The following SEPTIN9 variants were observed in gnomAD, a reference collection of about 807,000 sequenced individuals.
The protein encoded by SEPTIN9 is septin 9, also known as septin-9.
A neutral mutation model predicts 56.6 loss-of-function variants in SEPTIN9; 13 were observed. That is an observed-to-expected ratio of 0.23 (90% confidence interval 0.15 to 0.37). The LOEUF is 0.37. Ranked by LOEUF, SEPTIN9 falls within the 10% of genes least tolerant of loss-of-function variation. The pLI is 1.00. For synonymous variants in SEPTIN9, 332 were observed against 334.1 expected, an observed-to-expected ratio of 0.99 and a Z score of 0.07; for missense variants, 650 against 823.1, an observed-to-expected ratio of 0.79 and a Z score of 2.57.
chr17:77,378,635 C>A (rs1241803892), intron 2 of SEPTIN9, among the ~76,000 whole-genome samples: 3 of 152,204 alleles, frequency 2.0e-5, no homozygotes, highest in African/African-American at 7.2e-5. Flanking sequence ...ACAGCATGGT[C>A]ACCACTAATT....
chr17:77,473,188 T>C (rs312820), intron 3 of SEPTIN9, among the ~76,000 whole-genome samples: 22,596 of 152,208 alleles, frequency 0.15, 4,590 homozygotes, highest in African/African-American at 0.46. Flanking sequence ...GGCCTCAGTC[T>C]TCTCCTCTTA....
At chr17:77,297,246 G>A (rs2031860493) in intron 1 of SEPTIN9, among the ~76,000 whole-genome samples, 1 of 152,204 alleles carries the variant, frequency 6.6e-6, no homozygotes. Flanking sequence ...AAGGCCAAAG[G>A]TTTGAGAGCC....
intron 2 of SEPTIN9, among the ~76,000 whole-genome samples, chr17:77,324,882 G>T: frequency 6.9e-6 from 1 of 145,228 alleles, no homozygotes; most frequent in African/African-American, 2.6e-5. Flanking sequence ...GCAGTGGCAT[G>T]ATCTTGGCTC....
chr17:77,356,460 C>T (rs1416712187), intron 2 of SEPTIN9, among the ~76,000 whole-genome samples: 11 of 151,650 alleles, frequency 7.3e-5, no homozygotes, highest in Non-Finnish European at 1.3e-4. Context: ...CTCTTTCTCA[C>T]TCTGTGCCTC....
chr17:77,345,846 G>A (rs2033873554), intron 2 of SEPTIN9, among the ~76,000 whole-genome samples: 2 of 152,200 alleles, frequency 1.3e-5, no homozygotes, highest in South Asian at 2.1e-4. Flanking sequence ...CCAGTATCAC[G>A]GAGCGGGGCC....
rs1182092176 is a variant in SEPTIN9 at position 77,330,478 on chromosome 17, C to T, written c.76+23281C>T. Among the ~76,000 whole-genome samples the T allele has an allele frequency of 6.6e-6, 1 of 152,184 alleles. No individual in the cohort carries two copies. The highest frequency in any genetic ancestry group is 1.5e-5 in the Non-Finnish European group (1 of 68,032). ...GTTTTGGCGCTGCTCTTGGCGATGG[C>T]GTGGACTCAGCCAGGCTCTCGGGCA... On this transcript the variant is annotated intron_variant, in intron 2 of 11. Transcript: ENST00000427177. The surrounding 1 kb of genome is among the most constrained non-coding windows in gnomAD (Gnocchi z 4.4).
intron 3 of SEPTIN9, among the ~76,000 whole-genome samples, chr17:77,454,658 G>T (rs1272932904): frequency 1.3e-5 from 2 of 152,192 alleles, no homozygotes; most frequent in Non-Finnish European, 2.9e-5. Context: ...CCCCACCTCA[G>T]CCCCTCCCAG....
chr17:77,343,003 G>GTCTA (rs139340887), intron 2 of SEPTIN9, among the ~76,000 whole-genome samples: 32,818 of 147,048 alleles, frequency 0.22, 3,740 homozygotes, highest in Admixed American at 0.25. Context: ...CTGTCTGTCT[G>GTCTA]TCTATCTATC....
intron 3 of SEPTIN9, among the ~76,000 whole-genome samples, chr17:77,423,067 G>T (rs1407811696): frequency 1.3e-5 from 2 of 151,846 alleles, no homozygotes; most frequent in Non-Finnish European, 2.9e-5. Flanking sequence ...TGTCTTGCTC[G>T]CTCTGTCATC....
rs756972375 is a variant in SEPTIN9, at chr17:77,445,441, A to G, written c.722-36703A>G. On this transcript the variant is annotated intron_variant, in intron 3 of 11. Transcript: ENST00000427177. The surrounding 1 kb of genome is among the most constrained non-coding windows in gnomAD (Gnocchi z 4.7). Reference sequence around the variant, plus strand: ...CAGGAAGGCTGAGCTCTGTGCTCACAACCTGGCTTGGTGGTGGCCGAGGAG... The same window carrying G: ...CAGGAAGGCTGAGCTCTGTGCTCACGACCTGGCTTGGTGGTGGCCGAGGAG... The G allele has an allele frequency of 1.3e-5, 6 of 470,034 alleles. No homozygotes were observed. Among genetic ancestry groups the G allele is most frequent in the Non-Finnish European group, 2.6e-5 (6 of 226,794 alleles). The allele number at this position is 470,034 out of a possible 1,614,324, so 29.1% of individuals were successfully genotyped here.
intron 3 of SEPTIN9, among the ~76,000 whole-genome samples, chr17:77,431,973 A>C (rs2144286242): frequency 6.6e-6 from 1 of 152,274 alleles, no homozygotes; most frequent in Admixed American, 6.5e-5. Flanking sequence ...TGTTCAAAAA[A>C]ATGTTTCGTG....
rs757981304 is a variant in SEPTIN9 at position 77,492,791 on chromosome 17, G to A, written c.1476+75G>A. The A allele has an allele frequency of 1.4e-6, 2 of 1,392,034 alleles. No individual in the cohort carries two copies. The highest frequency in any genetic ancestry group is 4.6e-5 in the East Asian group (2 of 43,838). 86.2% of individuals were successfully genotyped at this position (1,392,034 alleles called of 1,614,324 possible). A position where few individuals can be genotyped will look rare whatever the true frequency, so the allele number is the denominator to read the frequency against. ...TGAAGGGTGGGTTGGGGGTTTGGAG[G>A]ACCTTAAGCCATGAAATTATATTCT... On this transcript the variant is annotated intron_variant, in intron 9 of 11. Coordinates refer to ENST00000427177, the MANE Select transcript of SEPTIN9 (RefSeq NM_001113491.2). The surrounding 1 kb of genome is among the most constrained non-coding windows in gnomAD (Gnocchi z 5.4).
At chr17:77,321,535 G>T (rs2032928719) in intron 2 of SEPTIN9, among the ~76,000 whole-genome samples, 1 of 151,834 alleles carries the variant, frequency 6.6e-6, no homozygotes, top group Non-Finnish European at 1.5e-5. Context: ...AAGCAGCTGG[G>T]ACTATAGGCG....
chr17:77,404,017 G>C (rs758103171), intron 3 of SEPTIN9, among the ~76,000 whole-genome samples: 1 of 152,124 alleles, frequency 6.6e-6, no homozygotes, highest in Non-Finnish European at 1.5e-5. Flanking sequence ...AACCTTGTGT[G>C]TGTGGAAAAA....
intron 1 of SEPTIN9, among the ~76,000 whole-genome samples, chr17:77,304,068 G>A (rs760244718): frequency 1.3e-5 from 2 of 152,314 alleles, no homozygotes; most frequent in East Asian, 1.9e-4. Context: ...CCACGGAATC[G>A]TTAGATGTCT....
intron 3 of SEPTIN9, among the ~76,000 whole-genome samples, chr17:77,426,337 C>T (rs2036909978): frequency 6.6e-6 from 1 of 152,074 alleles, no homozygotes; most frequent in South Asian, 2.1e-4. Context: ...TAAAGGGTGC[C>T]CCCCCGAGCC....
At chr17:77,363,463 C>G (rs1053024458) in intron 2 of SEPTIN9, among the ~76,000 whole-genome samples, 1 of 141,176 alleles carries the variant, frequency 7.1e-6, no homozygotes, top group Non-Finnish European at 1.5e-5. Context: ...TCTTGGCTCA[C>G]TACCACCTCT....
rs910635358 is a variant in SEPTIN9 at position 77,492,068 on chromosome 17, G to C, written c.1381-553G>C. ...AACCTACTCCGTCCTGGGGCCAGGT[G>C]TCAGGGACCTTCCCAGCATGTGCAG... On this transcript the variant is annotated intron_variant, in intron 8 of 11. Transcript: ENST00000427177. The surrounding 1 kb of genome is among the most constrained non-coding windows in gnomAD (Gnocchi z 5.4). 6.6e-6 allele frequency among the ~76,000 whole-genome samples: 1 copy of C among 152,192 alleles called. No homozygotes were observed. The highest frequency in any genetic ancestry group is 1.5e-5 in the Non-Finnish European group (1 of 68,034).
intron 3 of SEPTIN9, among the ~76,000 whole-genome samples, chr17:77,463,991 A>G (rs2038597149): frequency 6.6e-6 from 1 of 152,210 alleles, no homozygotes; most frequent in Non-Finnish European, 1.5e-5. Context: ...GATGAATCTG[A>G]TTTTTCCAGA....
Sources: allele counts gnomAD v4.1 joint callset (sites outside exome capture counted in the v4.1 genomes callset), GRCh38; gene constraint gnomAD v4.1.1; non-coding constraint Gnocchi (gnomAD v3.1); transcripts MANE v1.5; gene names NCBI Gene and HGNC (gene_info 2026-07-23, HGNC 2026-07-21).